LETM1: variants seen among roughly 807,000 people sequenced by gnomAD.
LETM1 encodes the protein mitochondrial proton/calcium exchanger protein.
A neutral mutation model predicts 74.5 loss-of-function variants in LETM1; 50 were observed. The ratio of observed to expected loss-of-function variants is 0.67; its 90% CI spans 0.53 to 0.85. The LOEUF (loss-of-function observed/expected upper bound fraction) is 0.85. Ranked by LOEUF, LETM1 falls within the 40% of genes least tolerant of loss-of-function variation. The pLI is 0.00. For synonymous variants in LETM1, 446 were observed against 407.1 expected, an observed-to-expected ratio of 1.10 and a Z score of -1.15; for missense variants, 824 against 967.8, an observed-to-expected ratio of 0.85 and a Z score of 1.97.
rs1423714557 is a variant in LETM1 at position 1,834,373 on chromosome 4, C to T, written c.876+472G>A. 6.1e-6 allele frequency: 6 copies of T among 990,544 alleles called. No individual in the cohort carries two copies. The highest frequency in any genetic ancestry group is 1.7e-5 in the African/African-American group (1 of 57,322). The allele number at this position is 990,544 out of a possible 1,614,324, so 61.4% of individuals were successfully genotyped here. A position where few individuals can be genotyped will look rare whatever the true frequency, so the allele number is the denominator to read the frequency against. The stretch of plus-strand genomic sequence containing the variant: ...CGTCTCCCCATCCTCACCTCACTCA[C>T]CACATGACCGCAGGAAACCTCAAGG... On this transcript the variant is annotated intron_variant, in intron 5 of 13. Transcript: ENST00000302787. This position sits in a 1 kb window ranked among gnomAD's most constrained non-coding sequence, Gnocchi z 5.0.
intron 1 of LETM1, among the ~76,000 whole-genome samples, chr4:1,853,652 C>G (rs1488507064): frequency 2.6e-5 from 4 of 152,168 alleles, no homozygotes; most frequent in Non-Finnish European, 5.9e-5. Flanking sequence ...GAAAAAGGAC[C>G]TCAGAATGGA....
rs1290833029 is a variant in LETM1, at chr4:1,828,054, C to T, written c.1081-2371G>A. ...CTGGCCGGGCAGGGGGGCTGACCCC[C>T]CCCACCTCCCTCCCGGACGGGGCGG... is the stretch of plus-strand genomic sequence containing the variant. On this transcript the variant is annotated intron_variant, in intron 6 of 13. Coordinates refer to ENST00000302787, the MANE Select transcript of LETM1 (RefSeq NM_012318.3). Among the ~76,000 whole-genome samples, 4 of 140,562 alleles carry T rather than the reference C, an allele frequency of 2.8e-5. 1 individual carries two copies. Among genetic ancestry groups the T allele is most frequent in the Admixed American group, 6.8e-5 (1 of 14,784 alleles). The allele number at this position is 140,562 out of a possible 152,430, so 92.2% of individuals were successfully genotyped here. A position where few individuals can be genotyped will look rare whatever the true frequency, so the allele number is the denominator to read the frequency against.
intron 11 of LETM1, 68 bp from the exon 12 acceptor site, chr4:1,816,982 A>G: frequency 7.4e-7 from 1 of 1,344,404 alleles, no homozygotes; most frequent in African/African-American, 1.4e-5. Context: ...GTAGTGGCTC[A>G]CGCCTGTAAT....
chr4:1,849,372 C>G (rs886982266), intron 1 of LETM1, among the ~76,000 whole-genome samples, 163 bp from the exon 2 acceptor site: 1 of 152,214 alleles, frequency 6.6e-6, no homozygotes, highest in Non-Finnish European at 1.5e-5. Context: ...TTAATTGATT[C>G]TCCTGCCTCA....
In LETM1 at chr4:1,816,844, C is replaced by G. The variant is rs1217377257; in HGVS notation, c.1814G>C (p.Ser605Thr). The change falls in exon 12 of 14, where the codon AGC (serine) becomes ACC (threonine). Residue 605 changes from serine (S) to threonine (T), a missense_variant. Physicochemically the swap from Ser to Thr is moderately conservative, Grantham distance 58. This residue lies in a region of LETM1 where 161 missense variants were observed against 252.7 expected (regional missense o/e 0.64). Coordinates refer to ENST00000302787, the MANE Select transcript of LETM1 (RefSeq NM_012318.3). ...CTGCACCCTTTTTGTCAATCTCTTGCTGGCTTTAGATTCTTCCACGTACTT... is the reference window on the plus strand; with the variant it reads ...CTGCACCCTTTTTGTCAATCTCTTGGTGGCTTTAGATTCTTCCACGTACTT... ...EEKYVEESKA[S>T]KRLTKRVQQM... 1 of 1,614,174 alleles carries G rather than the reference C, an allele frequency of 6.2e-7. No individual in the cohort carries two copies. The highest frequency in any genetic ancestry group is 1.7e-5 in the Admixed American group (1 of 60,028).
At chr4:1,849,069 C>G (rs986587450) in intron 2 of LETM1, 80 bp downstream of exon 2, 20 of 917,680 alleles carry the variant, frequency 2.2e-5, no homozygotes, top group Non-Finnish European at 3.5e-5. Context: ...CCTCAAAAAT[C>G]AAGAGTCACT....
chr4:1,829,014 G>A (rs1304138723), intron 6 of LETM1, among the ~76,000 whole-genome samples: 2 of 95,746 alleles, frequency 2.1e-5, no homozygotes, highest in African/African-American at 4.7e-5. Flanking sequence ...CCTCCCTCCC[G>A]GACGGGGCGG....
chr4:1,820,233 CCT>C (rs1395372656), intron 10 of LETM1, among the ~76,000 whole-genome samples: 1 of 152,178 alleles, frequency 6.6e-6, no homozygotes, highest in African/African-American at 2.4e-5. Flanking sequence ...CCGCGCCCAG[CCT>C]CTCTGTTTGG....
chr4:1,839,961 C>T (rs1376293781), intron 3 of LETM1, among the ~76,000 whole-genome samples: 1 of 151,794 alleles, frequency 6.6e-6, no homozygotes. Flanking sequence ...AAGTGTTTCT[C>T]TAAGTTCTGT....
intron 2 of LETM1, among the ~76,000 whole-genome samples, chr4:1,843,692 C>T (rs1712783420): frequency 1.3e-5 from 2 of 152,310 alleles, no homozygotes; most frequent in African/African-American, 4.8e-5. Flanking sequence ...CACCCCACCT[C>T]GGTCACCTCC....
rs143523602 is a variant in LETM1, at chr4:1,849,877, C to T, written c.83-668G>A. Among the ~76,000 whole-genome samples, 163 of 149,742 alleles carry T rather than the reference C, an allele frequency of 1.1e-3. 1 individual carries two copies. The Middle Eastern group carries it at 0.017, about 16-fold the overall frequency. The stretch of plus-strand genomic sequence containing the variant: ...ACCTTCTTTTAAGTCTGAAAGAAGG[C>T]GGGGCGCCGTGGCTCACGCCTGTAA... On this transcript the variant is annotated intron_variant, in intron 1 of 13. Coordinates refer to ENST00000302787, the MANE Select transcript of LETM1 (RefSeq NM_012318.3).
intron 6 of LETM1, among the ~76,000 whole-genome samples, chr4:1,828,769 C>T (rs1712128500): frequency 7.0e-6 from 1 of 143,874 alleles, no homozygotes; most frequent in African/African-American, 2.6e-5. Flanking sequence ...CGGGCAGAGG[C>T]GCCCCCCACC....
rs370310463 is a variant in LETM1, at chr4:1,819,321, G to A, written c.1743+17C>T. 11 of 1,601,654 alleles carry A rather than the reference G, an allele frequency of 6.9e-6. No homozygotes were observed. The highest frequency in any genetic ancestry group is 8.5e-6 in the Non-Finnish European group (10 of 1,174,970). On this transcript the variant is annotated intron_variant, in intron 11 of 13. Transcript: ENST00000302787. ...TCTTCTTGCAGTCTCAGAGTCCAGG[G>A]AGCAAATCCCACCCACCTCGCTGTA... is the stretch of plus-strand genomic sequence containing the variant.
At position 1,812,561 on chromosome 4, in the gene LETM1, T is replaced by C. The variant is rs2108831720; in HGVS notation, c.*1863A>G. The C allele has an allele frequency of 6.6e-6, 1 of 152,352 alleles. No homozygotes were observed. Among genetic ancestry groups the C allele is most frequent in the South Asian group, 2.1e-4 (1 of 4,820 alleles). 9.4% of individuals were successfully genotyped at this position (152,352 alleles called of 1,614,324 possible). On this transcript the variant is annotated 3_prime_UTR_variant, in exon 14 of 14. Coordinates refer to ENST00000302787, the MANE Select transcript of LETM1 (RefSeq NM_012318.3). Reference sequence around the variant, plus strand: ...TAAGAAGCTTATTACACAAAGCTCATATTTCTGGATCCACCACTGCTTACA... The same window carrying C: ...TAAGAAGCTTATTACACAAAGCTCACATTTCTGGATCCACCACTGCTTACA...
At chr4:1,832,609 C>T (rs1712315486) in intron 6 of LETM1, 135 bp downstream of exon 6, 2 of 769,884 alleles carry the variant, frequency 2.6e-6, no homozygotes, top group Non-Finnish European at 4.2e-6. Context: ...CTGCAAGTGG[C>T]AAGACTCCTA....
chr4:1,832,602 C>T (rs1712315281), intron 6 of LETM1, 142 bp downstream of exon 6: 2 of 707,722 alleles, frequency 2.8e-6, no homozygotes, highest in Non-Finnish European at 4.8e-6. Flanking sequence ...CTGCAATCTG[C>T]AAGTGGCAAG....
chr4:1,855,956 C>T lies in LETM1; in HGVS notation c.-6G>A, dbSNP rs1713228283. ...CTCAGTAAGATGGACGCCATGTGCT[C>T]GGGCGCGGCGGCCGCTCCGGCCTCC... On this transcript the variant is annotated 5_prime_UTR_variant, in exon 1 of 14. Transcript: ENST00000302787. 1 of 1,213,102 alleles carries T rather than the reference C, an allele frequency of 8.2e-7. No individual in the cohort carries two copies. The highest frequency in any genetic ancestry group is 1.0e-6 in the Non-Finnish European group (1 of 976,716). 75.1% of individuals were successfully genotyped at this position (1,213,102 alleles called of 1,614,324 possible). A position where few individuals can be genotyped will look rare whatever the true frequency, so the allele number is the denominator to read the frequency against.
chr4:1,833,072 TC>T, intron 5 of LETM1, 125 bp from the exon 6 acceptor site: 1 of 771,220 alleles, frequency 1.3e-6, no homozygotes, highest in Non-Finnish European at 2.1e-6. Context: ...GACTACTTCT[TC>T]TTTTTTTTTT....
intron 4 of LETM1, 147 bp from the exon 5 acceptor site, chr4:1,835,129 CT>C (rs1233416561): frequency 1.7e-5 from 13 of 781,414 alleles, no homozygotes; most frequent in Non-Finnish European, 2.4e-5. Context: ...TTCTCAAACT[CT>C]TTTATTTCAT....
Sources: allele counts gnomAD v4.1 joint callset (sites outside exome capture counted in the v4.1 genomes callset), GRCh38; gene constraint gnomAD v4.1.1; regional missense constraint gnomAD v4.1.1; non-coding constraint Gnocchi (gnomAD v3.1); transcripts MANE v1.5; gene names NCBI Gene and HGNC (gene_info 2026-07-23, HGNC 2026-07-21).